MID2: variants seen among roughly 807,000 people sequenced by gnomAD.
MID2 encodes midline 2.
A neutral mutation model predicts 46.1 loss-of-function variants in MID2; 13 were observed. The observed-to-expected ratio is 0.28, with a 90% CI of 0.18 to 0.45. The LOEUF (loss-of-function observed/expected upper bound fraction) is 0.45. Among genes scored for constraint, MID2 ranks in the 20% least tolerant of loss-of-function variants. The pLI, the probability that MID2 is intolerant of heterozygous loss-of-function variation, is 1.00. For missense variants in MID2, 431 were observed against 575.4 expected (o/e 0.75, Z 2.57); for synonymous variants, 199 against 212.3 (o/e 0.94, Z 0.55).
intron 5 of MID2, among the ~76,000 whole-genome samples, chrX:107,909,665 G>C (rs1002651110): frequency 4.5e-5 from 5 of 111,982 alleles, no homozygotes; most frequent in African/African-American, 1.6e-4. Flanking sequence ...TCTTAAGAAA[G>C]AGTACATGGG....
chrX:107,921,435 T>C (rs1358820089), intron 7 of MID2, among the ~76,000 whole-genome samples: 1 of 111,447 alleles, frequency 9.0e-6, no homozygotes, highest in Non-Finnish European at 1.9e-5. Flanking sequence ...TTGCCACTAA[T>C]AAGGAATCTG....
At chrX:107,900,959 G>A (rs893499893) in intron 3 of MID2, among the ~76,000 whole-genome samples, 4 of 112,157 alleles carry the variant, frequency 3.6e-5, no homozygotes, top group Non-Finnish European at 7.5e-5. Flanking sequence ...AAGATGTCTG[G>A]TAATGAAGAC....
At chrX:107,872,849 G>A (rs1191576764) in intron 3 of MID2, among the ~76,000 whole-genome samples, 1 of 111,732 alleles carries the variant, frequency 8.9e-6, no homozygotes, top group Non-Finnish European at 1.9e-5. Context: ...GAAATCATTC[G>A]TGAGAAAAGG....
At chrX:107,884,294 C>T (rs968185876) in intron 3 of MID2, among the ~76,000 whole-genome samples, 6 of 112,075 alleles carry the variant, frequency 5.4e-5, no homozygotes, top group South Asian at 7.4e-4. Context: ...ACCAGACCAG[C>T]GTAGCAACTT....
At chrX:107,918,238 G>A (rs746645384) in intron 7 of MID2, among the ~76,000 whole-genome samples, 102 of 110,830 alleles carry the variant, frequency 9.2e-4, no homozygotes, top group Non-Finnish European at 9.6e-4. Context: ...CACATGTTAC[G>A]GTTTCACTTT....
At chrX:107,888,538 C>T (rs1393325290) in intron 3 of MID2, among the ~76,000 whole-genome samples, 2 of 110,482 alleles carry the variant, frequency 1.8e-5, no homozygotes, top group Non-Finnish European at 3.8e-5. Flanking sequence ...AAGTGCTTTA[C>T]TGTGGTCAAT....
intron 3 of MID2, among the ~76,000 whole-genome samples, chrX:107,855,652 A>G (rs1931724284): frequency 8.9e-6 from 1 of 112,260 alleles, no homozygotes; most frequent in Non-Finnish European, 1.9e-5. Flanking sequence ...TCTTAATCCA[A>G]TCTATAGATT....
intron 3 of MID2, among the ~76,000 whole-genome samples, chrX:107,882,371 A>C (rs922740806): frequency 7.1e-5 from 8 of 111,911 alleles, no homozygotes; most frequent in African/African-American, 1.3e-4. Context: ...TAATTAAACT[A>C]AAGAGCTTCT....
At position 107,928,199 on chromosome X, in the gene MID2, C is replaced by T. The variant is rs1017892548; in HGVS notation, c.*1126C>T. Among the ~76,000 whole-genome samples, 3 of 111,812 alleles carry T rather than the reference C, an allele frequency of 2.7e-5. No individual in the cohort carries two copies. The highest frequency in any genetic ancestry group is 5.6e-5 in the Non-Finnish European group (3 of 53,143). ...CACCAACTATTCCCATATAAATGTA[C>T]TTGCTTTTTCAGATAAAACACTTCT... On this transcript the variant is annotated 3_prime_UTR_variant, in exon 10 of 10. Coordinates refer to ENST00000262843, the MANE Select transcript of MID2 (RefSeq NM_012216.4).
At chrX:107,924,260 G>A in intron 7 of MID2, 83 bp from the exon 8 acceptor site, 2 of 948,298 alleles carry the variant, frequency 2.1e-6, no homozygotes, top group Non-Finnish European at 3.0e-6. Context: ...TTGAGGGGGT[G>A]GCTTATGATG....
intron 1 of MID2, among the ~76,000 whole-genome samples, chrX:107,827,719 C>A (rs1315532371): frequency 9.1e-6 from 1 of 109,432 alleles, no homozygotes. Context: ...TTCATTGTAC[C>A]CCAGATGGTT....
Position 107,917,425 on chromosome X carries a change from T to C in MID2, c.1202-81T>C, listed in dbSNP as rs1331121713. 1.4e-5 allele frequency: 11 copies of C among 760,483 alleles called. No homozygotes were observed. In the Admixed American group the frequency reaches 2.0e-4, roughly 14 times the overall value. 62.7% of individuals were successfully genotyped at this position (760,483 alleles called of 1,213,427 possible). A position where few individuals can be genotyped will look rare whatever the true frequency, so the allele number is the denominator to read the frequency against. ...GAAAATCTCTTCAAGAGATGTTGGG[T>C]TACGCAGGAAGAGTAACAATTGTAA... is the stretch of plus-strand genomic sequence containing the variant. On this transcript the variant is annotated intron_variant, in intron 6 of 9. Coordinates refer to ENST00000262843, the MANE Select transcript of MID2 (RefSeq NM_012216.4).
intron 1 of MID2, among the ~76,000 whole-genome samples, chrX:107,833,566 T>C (rs1347304049): frequency 9.1e-6 from 1 of 109,734 alleles, no homozygotes; most frequent in Non-Finnish European, 1.9e-5. Context: ...AGATACATGC[T>C]TTGCAGACCC....
At chrX:107,876,335 C>A (rs1932200038) in intron 3 of MID2, among the ~76,000 whole-genome samples, 1 of 111,591 alleles carries the variant, frequency 9.0e-6, no homozygotes, top group East Asian at 2.8e-4. Flanking sequence ...ATATCAGGGG[C>A]TACCTGAGTA....
chrX:107,926,847 A>G lies in MID2; in HGVS notation c.1982A>G (p.Asp661Gly). 1 of 1,211,294 alleles carries G rather than the reference A, an allele frequency of 8.3e-7. No individual in the cohort carries two copies. Among genetic ancestry groups the G allele is most frequent in the Non-Finnish European group, 1.1e-6 (1 of 895,074 alleles). Reference protein sequence around the residue: ...LKRLGVLLDYDNNMLSFYDPA... With the variant: ...LKRLGVLLDYGNNMLSFYDPA... The stretch of plus-strand genomic sequence containing the variant: ...CGTCTGGGTGTCCTCCTGGATTATG[A>G]CAACAATATGCTGTCTTTCTATGAC... Residue 661 changes from aspartate to glycine, a missense_variant, in exon 10 of 10, where the codon GAC (aspartate) becomes GGC (glycine). Transcript: ENST00000262843.
intron 7 of MID2, among the ~76,000 whole-genome samples, chrX:107,920,215 T>G (rs1390467501): frequency 8.9e-6 from 1 of 112,288 alleles, no homozygotes; most frequent in African/African-American, 3.2e-5. Flanking sequence ...TCCTTTGACG[T>G]TTTTTCACAT....
intron 5 of MID2, among the ~76,000 whole-genome samples, chrX:107,913,878 G>A (rs112797714): frequency 2.6e-4 from 29 of 111,534 alleles, no homozygotes; most frequent in Admixed American, 1.9e-4. Context: ...GACCCCCATC[G>A]TTCTTAAGAT....
intron 3 of MID2, among the ~76,000 whole-genome samples, chrX:107,855,064 C>T (rs1931711829): frequency 9.0e-6 from 1 of 110,906 alleles, no homozygotes; most frequent in Non-Finnish European, 1.9e-5. Context: ...AGTTGGGAAT[C>T]CTGGGTCCTT....
At chrX:107,848,458 G>T (rs1383773196) in intron 2 of MID2, among the ~76,000 whole-genome samples, 1 of 111,569 alleles carries the variant, frequency 9.0e-6, no homozygotes, top group African/African-American at 3.3e-5. Flanking sequence ...GGAAAGAAAA[G>T]AATATGGGAA....
Sources: gnomAD v4.1 joint callset for allele counts (sites outside exome capture counted in the v4.1 genomes callset) on GRCh38, gnomAD v4.1.1 for gene constraint, MANE v1.5 for transcripts, NCBI Gene and HGNC (gene_info 2026-07-23, HGNC 2026-07-21) for gene names.